SV2B: variants seen among roughly 807,000 people sequenced by gnomAD.
SV2B encodes synaptic vesicle glycoprotein 2B.
Under a neutral mutation model 73.9 loss-of-function variants are expected in SV2B, and 41 were observed. The ratio of observed to expected loss-of-function variants is 0.56; its 90% CI spans 0.43 to 0.72. SV2B has a LOEUF of 0.72. Among genes scored for constraint, SV2B ranks in the 30% least tolerant of loss-of-function variants. SV2B has a pLI of 0.00. For missense variants in SV2B, 764 were observed against 857.8 expected, an observed-to-expected ratio of 0.89 and a Z score of 1.37; for synonymous variants, 314 against 314.2, an observed-to-expected ratio of 1.00 and a Z score of 0.01.
chr15:91,144,091 A>G (rs2043077050), intron 1 of SV2B, among the ~76,000 whole-genome samples: 1 of 152,232 alleles, frequency 6.6e-6, no homozygotes, highest in Non-Finnish European at 1.5e-5. Flanking sequence ...GTAATGGAAA[A>G]TGTTATTTAC....
chr15:91,191,245 T>G (rs1740636290), intron 1 of SV2B, among the ~76,000 whole-genome samples: 1 of 151,872 alleles, frequency 6.6e-6, no homozygotes, highest in African/African-American at 2.4e-5. Flanking sequence ...TTTGTATTTT[T>G]AGTTTCAATT....
rs917246673 is a variant in SV2B at position 91,245,430 on chromosome 15, A to G, written c.452-6389A>G. Among the ~76,000 whole-genome samples the G allele has an allele frequency of 6.6e-6, 1 of 152,262 alleles. No individual in the cohort carries two copies. Among genetic ancestry groups the G allele is most frequent in the Non-Finnish European group, 1.5e-5 (1 of 68,046 alleles). On this transcript the variant is annotated intron_variant, in intron 2 of 12. Coordinates refer to ENST00000394232, the MANE Select transcript of SV2B (RefSeq NM_001323032.3). The surrounding 1 kb of genome is among the most constrained non-coding windows in gnomAD (Gnocchi z 4.2). The stretch of plus-strand genomic sequence containing the variant: ...ACAGTATGTAGTTATACACGTACCA[A>G]TACAAATACAAAAATAAAGCCTGCT...
chr15:91,230,889 G>T (rs1354254518), intron 2 of SV2B, among the ~76,000 whole-genome samples: 1 of 152,148 alleles, frequency 6.6e-6, no homozygotes, highest in Non-Finnish European at 1.5e-5. Context: ...CTTTTATTCA[G>T]ATAGGAAGGA....
chr15:91,216,021 C>G (rs900632876), intron 1 of SV2B, among the ~76,000 whole-genome samples: 4 of 152,086 alleles, frequency 2.6e-5, no homozygotes, highest in Admixed American at 2.0e-4. Flanking sequence ...ACCTTGAAAA[C>G]TAGCTTTCTG....
chr15:91,277,704 T>A (rs2048539174), intron 9 of SV2B, among the ~76,000 whole-genome samples: 1 of 152,258 alleles, frequency 6.6e-6, no homozygotes, highest in Non-Finnish European at 1.5e-5. Flanking sequence ...TCCATTTACC[T>A]GTTGAAGGGA....
At position 91,229,497 on chromosome 15, in the gene SV2B, G is replaced by A. The variant is rs948383310; in HGVS notation, c.451+2783G>A. Among the ~76,000 whole-genome samples the A allele has an allele frequency of 1.3e-5, 2 of 152,208 alleles. No individual in the cohort carries two copies. The highest frequency in any genetic ancestry group is 1.9e-4 in the East Asian group (1 of 5,202). Reference sequence around the variant, plus strand: ...AGCTGCAGTGAGATGACGAAGCAACGTGGCCCTGGAGCCAGTTGCTTGGAT... The same window carrying A: ...AGCTGCAGTGAGATGACGAAGCAACATGGCCCTGGAGCCAGTTGCTTGGAT... On this transcript the variant is annotated intron_variant, in intron 2 of 12. Transcript: ENST00000394232. This position sits in a 1 kb window ranked among gnomAD's most constrained non-coding sequence, Gnocchi z 4.3.
At position 91,231,676 on chromosome 15, in the gene SV2B, C is replaced by T. The variant is rs2046580824; in HGVS notation, c.451+4962C>T. Among the ~76,000 whole-genome samples, 1 of 152,186 alleles carries T rather than the reference C, an allele frequency of 6.6e-6. No homozygotes were observed. The highest frequency in any genetic ancestry group is 1.5e-5 in the Non-Finnish European group (1 of 68,032). On this transcript the variant is annotated intron_variant, in intron 2 of 12. Transcript: ENST00000394232. This position sits in a 1 kb window ranked among gnomAD's most constrained non-coding sequence, Gnocchi z 4.5. ...TCAACCTGGAACTGTGGGCTATTCC[C>T]TACCTTCATGCCTATAATAGTGAGC...
At chr15:91,206,025 T>C (rs1399355042) in intron 1 of SV2B, among the ~76,000 whole-genome samples, 4 of 150,640 alleles carry the variant, frequency 2.7e-5, no homozygotes, top group Non-Finnish European at 6.0e-5. Flanking sequence ...GTTGTTGTGG[T>C]GGTGGTGGTT....
chr15:91,252,217 C>A lies in SV2B; in HGVS notation c.633-152C>A. Reference sequence around the variant, plus strand: ...GTCAAAATAATCCAAGACTGCTTCCCACATGTAGAGAGGAACTAACTGGCC... The same window carrying A: ...GTCAAAATAATCCAAGACTGCTTCCAACATGTAGAGAGGAACTAACTGGCC... On this transcript the variant is annotated intron_variant, in intron 3 of 12. Coordinates refer to ENST00000394232, the MANE Select transcript of SV2B (RefSeq NM_001323032.3). The surrounding 1 kb of genome is among the most constrained non-coding windows in gnomAD (Gnocchi z 4.6). 1 of 1,178,358 alleles carries A rather than the reference C, an allele frequency of 8.5e-7. No individual in the cohort carries two copies. 73.0% of individuals were successfully genotyped at this position (1,178,358 alleles called of 1,614,324 possible).
intron 1 of SV2B, among the ~76,000 whole-genome samples, chr15:91,179,555 T>C (rs1381409628): frequency 1.3e-5 from 2 of 152,132 alleles, no homozygotes; most frequent in African/African-American, 2.4e-5. Context: ...ACTAAGGACT[T>C]GCTCTATGAA....
At position 91,274,901 on chromosome 15, in the gene SV2B, C is replaced by A. The variant is rs113880694; in HGVS notation, c.1373+6296C>A. Among the ~76,000 whole-genome samples, 269 of 152,156 alleles carry A rather than the reference C, an allele frequency of 1.8e-3. 1 individual carries two copies. Among genetic ancestry groups the A allele is most frequent in the Non-Finnish European group, 2.8e-3 (193 of 67,956 alleles). On this transcript the variant is annotated intron_variant, in intron 9 of 12. Transcript: ENST00000394232. ...GTCATTATGTAATGTACCCTTAATC[C>A]CTGATAGTAGTCTTTGTTCTAAGTT...
At chr15:91,221,177 T>C (rs2046199250) in intron 1 of SV2B, among the ~76,000 whole-genome samples, 2 of 152,186 alleles carry the variant, frequency 1.3e-5, no homozygotes, top group African/African-American at 4.8e-5. Context: ...ATAATTATGA[T>C]GACCACAACA....
At chr15:91,250,704 C>T (rs1490660167) in intron 2 of SV2B, among the ~76,000 whole-genome samples, 1 of 152,080 alleles carries the variant, frequency 6.6e-6, no homozygotes, top group African/African-American at 2.4e-5. Context: ...AGGAAACAAT[C>T]TCATTTACAA....
intron 1 of SV2B, among the ~76,000 whole-genome samples, chr15:91,200,259 G>A (rs935680215): frequency 6.6e-6 from 1 of 152,200 alleles, no homozygotes; most frequent in Non-Finnish European, 1.5e-5. Flanking sequence ...CCAGAATGAG[G>A]TTTTTGACCT....
At chr15:91,171,276 T>C (rs2044113424) in intron 1 of SV2B, among the ~76,000 whole-genome samples, 1 of 152,236 alleles carries the variant, frequency 6.6e-6, no homozygotes, top group Non-Finnish European at 1.5e-5. Flanking sequence ...ATCTCTAAAA[T>C]GAAGCTATGA....
Position 91,292,756 on chromosome 15 carries a change from C to G in SV2B, c.*204C>G, listed in dbSNP as rs1826227161. On this transcript the variant is annotated 3_prime_UTR_variant, in exon 13 of 13. Coordinates refer to ENST00000394232, the MANE Select transcript of SV2B (RefSeq NM_001323032.3). ...TGATTTGGGGGTGCCCTGAGCCACC[C>G]TTAGAATCACAGAGCTGCGTGTTTA... 1.9e-6 allele frequency: 1 copy of G among 536,730 alleles called. No individual in the cohort carries two copies. Among genetic ancestry groups the G allele is most frequent in the Non-Finnish European group, 3.1e-6 (1 of 318,306 alleles). The allele number at this position is 536,730 out of a possible 1,614,324, so 33.2% of individuals were successfully genotyped here.
At chr15:91,156,668 C>T (rs2043500989) in intron 1 of SV2B, among the ~76,000 whole-genome samples, 1 of 152,180 alleles carries the variant, frequency 6.6e-6, no homozygotes, top group Non-Finnish European at 1.5e-5. Flanking sequence ...AAGCATTCAT[C>T]CCTTTCTGGA....
At chr15:91,186,358 CAT>C (rs996581096) in intron 1 of SV2B, among the ~76,000 whole-genome samples, 11 of 152,230 alleles carry the variant, frequency 7.2e-5, no homozygotes, top group African/African-American at 2.6e-4. Context: ...ATATATAAAA[CAT>C]ATTATAGTGA....
At chr15:91,266,128 C>T (rs1252460272) in intron 6 of SV2B, among the ~76,000 whole-genome samples, 6 of 152,094 alleles carry the variant, frequency 3.9e-5, no homozygotes, top group Non-Finnish European at 7.4e-5. Flanking sequence ...GGCAACAGAG[C>T]GAGACTGTGT....
Sources: allele counts gnomAD v4.1 joint callset (sites outside exome capture counted in the v4.1 genomes callset), GRCh38; gene constraint gnomAD v4.1.1; non-coding constraint Gnocchi (gnomAD v3.1); transcripts MANE v1.5; gene names NCBI Gene and HGNC (gene_info 2026-07-23, HGNC 2026-07-21).